Variants in LCA5L observed in about 807,000 individuals in gnomAD.
LCA5L encodes lebercilin-like protein.
A neutral mutation model predicts 45.4 loss-of-function variants in LCA5L; 35 were observed. The observed-to-expected ratio is 0.77, with a 90% CI of 0.59 to 1.02. LCA5L has a LOEUF of 1.02. Among genes scored for constraint, LCA5L ranks in the 50% least tolerant of loss-of-function variants. LCA5L has a pLI of 0.00. For missense variants in LCA5L, 668 were observed against 761.6 expected (o/e 0.88, Z 1.45); for synonymous variants, 233 against 264.7 (o/e 0.88, Z 1.16).
chr21:39,439,314 A>G (rs769809782), intron 2 of LCA5L, among the ~76,000 whole-genome samples: 21 of 152,248 alleles, frequency 1.4e-4, no homozygotes, highest in Non-Finnish European at 2.6e-4. Flanking sequence ...TCCTGCTGAC[A>G]TCCTAACTTT....
chr21:39,438,508 C>T (rs531446581), intron 2 of LCA5L, among the ~76,000 whole-genome samples: 1 of 152,172 alleles, frequency 6.6e-6, no homozygotes, highest in South Asian at 2.1e-4. Context: ...AGGCATCTTA[C>T]AAACTGGAAA....
intron 1 of LCA5L, among the ~76,000 whole-genome samples, chr21:39,445,292 C>T (rs1426869320): frequency 6.6e-6 from 1 of 151,990 alleles, no homozygotes; most frequent in African/African-American, 2.4e-5. Context: ...GAAAGAAAAA[C>T]TAATCCAAAG....
At chr21:39,425,864 G>A (rs1484942570) in intron 5 of LCA5L, 1 of 152,246 alleles carries the variant, frequency 6.6e-6, no homozygotes, top group African/African-American at 2.4e-5. Flanking sequence ...CTCATGCCAT[G>A]CTCAAGTGAT....
chr21:39,414,043 C>T (rs2040585856), intron 7 of LCA5L: 2 of 152,230 alleles, frequency 1.3e-5, no homozygotes, highest in South Asian at 4.1e-4. Context: ...AAGTCTAACA[C>T]AGCCTGTTTG....
chr21:39,424,173 C>A (rs187570836), intron 5 of LCA5L, among the ~76,000 whole-genome samples: 1 of 152,128 alleles, frequency 6.6e-6, no homozygotes, highest in Admixed American at 6.6e-5. Flanking sequence ...CCACTATGCC[C>A]TGCTAATTTT....
At chr21:39,428,077 A>G (rs139574798) in intron 5 of LCA5L, 95 bp downstream of exon 5, 262 of 721,342 alleles carry the variant, frequency 3.6e-4, no homozygotes, top group African/African-American at 3.0e-3. Context: ...TGGGAAAACA[A>G]TAAAACTGAG....
At chr21:39,440,846 T>G (rs1477085270) in intron 2 of LCA5L, among the ~76,000 whole-genome samples, 1 of 152,188 alleles carries the variant, frequency 6.6e-6, no homozygotes, top group South Asian at 2.1e-4. Flanking sequence ...TCTAAACTCT[T>G]TGACAAAAAT....
intron 6 of LCA5L, 77 bp downstream of exon 6, chr21:39,422,899 G>A: frequency 7.7e-7 from 1 of 1,293,632 alleles, no homozygotes; most frequent in African/African-American, 1.5e-5. Flanking sequence ...TACAGAGGGG[G>A]CGCATCCATG....
chr21:39,445,383 G>A (rs1024865763), intron 1 of LCA5L: 3 of 152,260 alleles, frequency 2.0e-5, no homozygotes, highest in Non-Finnish European at 4.4e-5. Flanking sequence ...CCCTCGGTGG[G>A]GCGGCGGTGA....
chr21:39,406,159 C>G lies in LCA5L; in HGVS notation c.1736G>C (p.Gly579Ala). ...HSDSGYEPSF[G>A]KSSRIKVKDT... ...CTTCACTTTTATTCTGGAAGACTTACCAAATGAGGGCTCATACCCACTGTC... is the reference window on the plus strand; with the variant it reads ...CTTCACTTTTATTCTGGAAGACTTAGCAAATGAGGGCTCATACCCACTGTC... Residue 579 changes from glycine to alanine, a missense_variant, in exon 11 of 11, where the codon GGT (glycine) becomes GCT (alanine). Transcript: ENST00000288350. The G allele has an allele frequency of 6.2e-7, 1 of 1,614,238 alleles. No homozygotes were observed. The highest frequency in any genetic ancestry group is 1.1e-5 in the South Asian group (1 of 91,086).
At chr21:39,426,979 T>C (rs1386876085) in intron 5 of LCA5L, among the ~76,000 whole-genome samples, 1 of 152,186 alleles carries the variant, frequency 6.6e-6, no homozygotes, top group Non-Finnish European at 1.5e-5. Context: ...TTTCATGGGG[T>C]TCACAGACAT....
At chr21:39,439,513 T>C (rs1219472841) in intron 2 of LCA5L, 2 of 152,260 alleles carry the variant, frequency 1.3e-5, no homozygotes, top group Non-Finnish European at 2.9e-5. Flanking sequence ...TGCACTGTTA[T>C]AAATTTCAAG....
At position 39,406,105 on chromosome 21, in the gene LCA5L, C is replaced by T; in HGVS notation, c.1790G>A (p.Ser597Asn). Residue 597 changes from serine to asparagine, a missense_variant, in exon 11 of 11, where the codon AGT becomes AAT. Physicochemically the swap from Ser to Asn is conservative, Grantham distance 46. Coordinates refer to ENST00000288350, the MANE Select transcript of LCA5L (RefSeq NM_152505.4). ...TGATCCAAAGAGTTCTTCCATGAGA[C>T]TGCTTTTCTTATCTCTGAAAGTTGT... ...KDTTFRDKKS[S>N]LMEELFGSGY... is the part of the protein sequence containing the mutation. 1 of 1,614,226 alleles carries T rather than the reference C, an allele frequency of 6.2e-7. No homozygotes were observed. The highest frequency in any genetic ancestry group is 8.5e-7 in the Non-Finnish European group (1 of 1,180,034).
At chr21:39,419,457 C>G (rs915449561) in intron 7 of LCA5L, among the ~76,000 whole-genome samples, 2 of 144,878 alleles carry the variant, frequency 1.4e-5, no homozygotes, top group African/African-American at 5.2e-5. Flanking sequence ...CCCAGGAGTT[C>G]GAGGCTGCAG....
rs1489507389 is a variant in LCA5L, at chr21:39,409,985, A to G, written c.1276T>C (p.Tyr426His). 2.0e-6 allele frequency: 3 copies of G among 1,506,304 alleles called. No individual in the cohort carries two copies. The Admixed American group carries it at 5.3e-5, about 27-fold the overall frequency. 93.3% of individuals were successfully genotyped at this position (1,506,304 alleles called of 1,614,324 possible). A position where few individuals can be genotyped will look rare whatever the true frequency, so the allele number is the denominator to read the frequency against. ...TTTAAAGAGTTAAAATTACCTTCAT[A>G]TTTTCTCTTAGAATCCTCTTGCTTT... ...LPKQEDSKRK[Y>H]EDLSGEEKHL... Residue 426 changes from tyrosine (Y) to histidine (H), a missense_variant, in exon 10 of 11, where the codon TAT becomes CAT. Transcript: ENST00000288350. This position sits in a 1 kb window ranked among gnomAD's most constrained non-coding sequence, Gnocchi z 4.2.
rs989534791 is a variant in LCA5L, at chr21:39,445,743, A to C, written c.-331T>G. The C allele has an allele frequency of 6.6e-6, 1 of 152,120 alleles. No homozygotes were observed. The highest frequency in any genetic ancestry group is 1.5e-5 in the Non-Finnish European group (1 of 68,022). The allele number at this position is 152,120 out of a possible 1,614,324, so 9.4% of individuals were successfully genotyped here. On this transcript the variant is annotated 5_prime_UTR_variant, in exon 1 of 11. Transcript: ENST00000288350. The stretch of plus-strand genomic sequence containing the variant: ...CCGTTACCTGCTCCGCGCTGTTCCC[A>C]CGACTGCGCCAACGCCGCAGCGCCG...
chr21:39,441,003 C>T (rs1048983107), intron 2 of LCA5L, among the ~76,000 whole-genome samples: 8 of 152,240 alleles, frequency 5.3e-5, no homozygotes, highest in South Asian at 4.1e-4. Context: ...AGAAATTTTG[C>T]GAGTCACTCT....
At chr21:39,445,191 G>C (rs542545248) in intron 1 of LCA5L, among the ~76,000 whole-genome samples, 1 of 130,350 alleles carries the variant, frequency 7.7e-6, no homozygotes, top group Admixed American at 8.5e-5. Flanking sequence ...AGAGCCCCGA[G>C]GCTGGGTGAG....
chr21:39,418,103 G>A (rs1297667041), intron 7 of LCA5L, among the ~76,000 whole-genome samples: 1 of 152,000 alleles, frequency 6.6e-6, no homozygotes, highest in Non-Finnish European at 1.5e-5. Context: ...GATCTCATGA[G>A]ACTTATTCAC....
Sources: gnomAD v4.1 joint callset for allele counts (sites outside exome capture counted in the v4.1 genomes callset) on GRCh38, gnomAD v4.1.1 for gene constraint, Gnocchi (gnomAD v3.1) non-coding constraint, MANE v1.5 for transcripts, NCBI Gene and HGNC (gene_info 2026-07-23, HGNC 2026-07-21) for gene names.